The following MYLK4 variants were observed in gnomAD, a reference collection of about 807,000 sequenced individuals.
The protein encoded by MYLK4 is caMLCK like.
A neutral mutation model predicts 48.1 loss-of-function variants in MYLK4; 46 were observed. The ratio of observed to expected loss-of-function variants is 0.96; its 90% CI spans 0.75 to 1.22. The LOEUF (loss-of-function observed/expected upper bound fraction) is 1.22. Ranked by LOEUF, MYLK4 falls within the 50% of genes most tolerant of loss-of-function variation. The pLI is 0.00. For missense variants in MYLK4, 451 were observed against 486.1 expected (o/e 0.93, Z 0.68); for synonymous variants, 170 against 180.8 (o/e 0.94, Z 0.48).
rs140120345 is a variant in MYLK4, at chr6:2,731,982, C to T, written c.159+17154G>A. ...CCATCTCCAGGGAGCAGAGAGTGCA[C>T]TCCATTTCTGCACAAACTTAAGTGA... On this transcript the variant is annotated intron_variant, in intron 2 of 12. Transcript: ENST00000274643. 1.6e-3 allele frequency among the ~76,000 whole-genome samples: 239 copies of T among 152,280 alleles called. 5 individuals are homozygous for T. The East Asian group carries it at 0.033, about 21-fold the overall frequency.
chr6:2,762,646 T>C, the MYLK4 span, among the ~76,000 whole-genome samples: 6 of 152,388 alleles, frequency 3.9e-5, no homozygotes, highest in African/African-American at 1.4e-4. Context: ...AATCCTTATG[T>C]GCTCGCAGTC....
Position 2,674,066 on chromosome 6 carries a change from T to C in MYLK4, c.1119+981A>G, listed in dbSNP as rs1416952400. 2.0e-5 allele frequency among the ~76,000 whole-genome samples: 3 copies of C among 152,278 alleles called. No homozygotes were observed. The East Asian group carries it at 5.8e-4, about 29-fold the overall frequency. On this transcript the variant is annotated intron_variant, in intron 11 of 12. Transcript: ENST00000274643. Reference sequence around the variant, plus strand: ...GGATGGGAAGATCCTGGTGGAAACATCTAGTACACAGATGGACATATGGAT... The same window carrying C: ...GGATGGGAAGATCCTGGTGGAAACACCTAGTACACAGATGGACATATGGAT...
chr6:2,712,553 C>T (rs751011242), intron 2 of MYLK4, among the ~76,000 whole-genome samples: 1 of 152,206 alleles, frequency 6.6e-6, no homozygotes, highest in Non-Finnish European at 1.5e-5. Flanking sequence ...TTTTGAGAAA[C>T]AGATTTAGTG....
chr6:2,711,651 G>A (rs1042964948), intron 2 of MYLK4, among the ~76,000 whole-genome samples: 1 of 152,204 alleles, frequency 6.6e-6, no homozygotes, highest in Non-Finnish European at 1.5e-5. Context: ...CGACCTCACA[G>A]CAACACACTT....
intron 2 of MYLK4, among the ~76,000 whole-genome samples, chr6:2,701,839 T>C (rs540797092): frequency 2.0e-5 from 3 of 152,332 alleles, no homozygotes; most frequent in South Asian, 4.1e-4. Flanking sequence ...GTGGTTCCCA[T>C]ACATGTTAGA....
chr6:2,736,715 A>G (rs1763686208), intron 2 of MYLK4, among the ~76,000 whole-genome samples: 1 of 152,202 alleles, frequency 6.6e-6, no homozygotes, highest in African/African-American at 2.4e-5. Context: ...GGCAATTCTC[A>G]GGGGAAAAGG....
rs560012470 is a variant in MYLK4, at chr6:2,685,960, C to T, written c.342-384G>A. On this transcript the variant is annotated intron_variant, in intron 4 of 12. Coordinates refer to ENST00000274643, the MANE Select transcript of MYLK4 (RefSeq NM_001012418.5). This position sits in a 1 kb window ranked among gnomAD's most constrained non-coding sequence, Gnocchi z 4.5. ...GCATGTGTCTGTAGTCCCAGCTACT[C>T]GGGAGGCTGAGGCAGGAGAACGGCG... is the stretch of plus-strand genomic sequence containing the variant. Among the ~76,000 whole-genome samples, 5 of 151,134 alleles carry T rather than the reference C, an allele frequency of 3.3e-5. No individual in the cohort carries two copies. Among genetic ancestry groups the T allele is most frequent in the Non-Finnish European group, 7.4e-5 (5 of 67,888 alleles).
At chr6:2,678,828 C>T (rs745588108) in intron 9 of MYLK4, among the ~76,000 whole-genome samples, 20 of 151,808 alleles carry the variant, frequency 1.3e-4, no homozygotes, top group Non-Finnish European at 2.1e-4. Context: ...TGCAGCCTCC[C>T]GAGTAGCTGG....
At chr6:2,740,657 G>A (rs1463114458) in intron 2 of MYLK4, among the ~76,000 whole-genome samples, 9 of 152,186 alleles carry the variant, frequency 5.9e-5, no homozygotes, top group Admixed American at 4.6e-4. Flanking sequence ...CCACCCTCAC[G>A]CATGCTTGGG....
chr6:2,688,780 C>T, intron 4 of MYLK4, 71 bp downstream of exon 4: 2 of 1,197,712 alleles, frequency 1.7e-6, no homozygotes, highest in Non-Finnish European at 1.2e-6. Context: ...TCAAGACAGG[C>T]AGACATTTAC....
intron 2 of MYLK4, among the ~76,000 whole-genome samples, chr6:2,700,189 G>T (rs767569328): frequency 6.6e-6 from 1 of 151,760 alleles, no homozygotes; most frequent in Non-Finnish European, 1.5e-5. Flanking sequence ...TCTCAAACTC[G>T]CATTGCTCAC....
At chr6:2,677,369 T>C (rs1761119891) in intron 10 of MYLK4, among the ~76,000 whole-genome samples, 1 of 152,160 alleles carries the variant, frequency 6.6e-6, no homozygotes, top group Non-Finnish European at 1.5e-5. Flanking sequence ...TTCTACCTGT[T>C]GATCCACAGC....
chr6:2,733,392 C>T (rs1431819411), intron 2 of MYLK4, among the ~76,000 whole-genome samples: 1 of 152,072 alleles, frequency 6.6e-6, no homozygotes, highest in East Asian at 1.9e-4. Flanking sequence ...TTCATAATCC[C>T]CAGAGACCAG....
At chr6:2,726,866 C>T (rs759645074) in intron 2 of MYLK4, among the ~76,000 whole-genome samples, 1 of 152,146 alleles carries the variant, frequency 6.6e-6, no homozygotes, top group Non-Finnish European at 1.5e-5. Context: ...ACCACCTCAG[C>T]CTCCCAAAGT....
chr6:2,766,937 A>G, the MYLK4 span, among the ~76,000 whole-genome samples: 1 of 152,204 alleles, frequency 6.6e-6, no homozygotes, highest in Non-Finnish European at 1.5e-5. Flanking sequence ...ACAGACTGGT[A>G]TTTATTCTTA....
intron 2 of MYLK4, among the ~76,000 whole-genome samples, chr6:2,697,180 C>T (rs1352081870): frequency 6.6e-6 from 1 of 152,156 alleles, no homozygotes; most frequent in Admixed American, 6.5e-5. Context: ...AGCACAAAAT[C>T]AAAATAATTT....
At chr6:2,734,086 AT>A (rs1561874884) in intron 2 of MYLK4, among the ~76,000 whole-genome samples, 1 of 152,188 alleles carries the variant, frequency 6.6e-6, no homozygotes, top group Non-Finnish European at 1.5e-5. Flanking sequence ...GCCAAAAAAC[AT>A]GCTAAAACCA....
At chr6:2,747,405 G>C (rs1764135165) in intron 2 of MYLK4, among the ~76,000 whole-genome samples, 1 of 152,068 alleles carries the variant, frequency 6.6e-6, no homozygotes, top group Non-Finnish European at 1.5e-5. Flanking sequence ...GAGTGCAGTG[G>C]TGTGATCATA....
At chr6:2,765,636 G>C in the MYLK4 span, 1 of 1,539,764 alleles carries the variant, frequency 6.5e-7, no homozygotes, top group Non-Finnish European at 8.7e-7. Flanking sequence ...GAGGTGAGCG[G>C]GCCGGAAGAC....
Sources: allele counts gnomAD v4.1 joint callset (sites outside exome capture counted in the v4.1 genomes callset), GRCh38; gene constraint gnomAD v4.1.1; non-coding constraint Gnocchi (gnomAD v3.1); transcripts MANE v1.5; gene names NCBI Gene and HGNC (gene_info 2026-07-23, HGNC 2026-07-21).